The following LHFPL3 variants were observed in gnomAD, a reference collection of about 807,000 sequenced individuals.
LHFPL3 encodes LHFPL tetraspan subfamily member 3 protein.
A neutral mutation model predicts 19.3 loss-of-function variants in LHFPL3; 5 were observed. The observed-to-expected ratio is 0.26, with a 90% CI of 0.14 to 0.54. LHFPL3 has a LOEUF of 0.54. Ranked by LOEUF, LHFPL3 falls within the 20% of genes least tolerant of loss-of-function variation. The pLI, the probability that LHFPL3 is intolerant of heterozygous loss-of-function variation, is 0.94. For missense variants in LHFPL3, 249 were observed against 307.4 expected (o/e 0.81, Z 1.42); for synonymous variants, 133 against 126.2 (o/e 1.05, Z -0.36).
intron 1 of LHFPL3, among the ~76,000 whole-genome samples, chr7:104,393,136 G>A (rs1272156321): frequency 6.6e-6 from 1 of 152,082 alleles, no homozygotes; most frequent in Admixed American, 6.6e-5. Context: ...TACCCACTAG[G>A]ATGGCTAGAA....
intron 2 of LHFPL3, among the ~76,000 whole-genome samples, chr7:104,760,588 G>T (rs370645650): frequency 1.3e-5 from 2 of 151,356 alleles, no homozygotes; most frequent in South Asian, 2.2e-4. Context: ...TAAAGAAGTG[G>T]CTACATCATC....
chr7:104,731,027 G>C (rs1172990021), intron 1 of LHFPL3, among the ~76,000 whole-genome samples: 2 of 152,050 alleles, frequency 1.3e-5, no homozygotes, highest in Non-Finnish European at 2.9e-5. Context: ...TCTTGTTTTT[G>C]TCAGGTTTGT....
intron 1 of LHFPL3, among the ~76,000 whole-genome samples, chr7:104,682,598 C>T (rs1462122739): frequency 6.6e-6 from 1 of 152,154 alleles, no homozygotes; most frequent in East Asian, 1.9e-4. Context: ...TGCTGAAAGG[C>T]CAAGGTGTGA....
chr7:104,765,182 A>C (rs1794435232), intron 2 of LHFPL3, among the ~76,000 whole-genome samples: 1 of 152,240 alleles, frequency 6.6e-6, no homozygotes, highest in Non-Finnish European at 1.5e-5. Flanking sequence ...TAAAAATGGC[A>C]ATTTGAGGGA....
At chr7:104,469,734 T>A (rs948906483) in intron 1 of LHFPL3, among the ~76,000 whole-genome samples, 1 of 152,194 alleles carries the variant, frequency 6.6e-6, no homozygotes, top group Admixed American at 6.5e-5. Context: ...ATTTTGTTTC[T>A]GGTTTCTAGG....
intron 1 of LHFPL3, among the ~76,000 whole-genome samples, chr7:104,598,191 G>A (rs765659538): frequency 6.6e-6 from 1 of 152,098 alleles, no homozygotes; most frequent in Non-Finnish European, 1.5e-5. Flanking sequence ...AATTGAAAGG[G>A]ACTAGCAACT....
intron 2 of LHFPL3, among the ~76,000 whole-genome samples, chr7:104,860,809 A>T (rs1791602714): frequency 6.6e-6 from 1 of 152,252 alleles, no homozygotes; most frequent in African/African-American, 2.4e-5. Flanking sequence ...GAAAAATTAA[A>T]TAAAATATTT....
chr7:104,845,447 T>C, intron 2 of LHFPL3: 1 of 1,535,568 alleles, frequency 6.5e-7, no homozygotes, highest in Non-Finnish European at 8.7e-7. Context: ...TGAGCATGGC[T>C]TTGTGGGTTC....
intron 1 of LHFPL3, among the ~76,000 whole-genome samples, chr7:104,430,420 A>ATGTG (rs1562895215): frequency 8.5e-4 from 10 of 11,776 alleles, no homozygotes; most frequent in Non-Finnish European, 1.7e-3. Context: ...ATATATATAC[A>ATGTG]TATATATATA....
chr7:104,544,732 G>A (rs942044624), intron 1 of LHFPL3, among the ~76,000 whole-genome samples: 1 of 152,126 alleles, frequency 6.6e-6, no homozygotes, highest in Admixed American at 6.6e-5. Context: ...GAAAATGGGT[G>A]TATTTTTATA....
chr7:104,419,329 G>T (rs1791683485), intron 1 of LHFPL3, among the ~76,000 whole-genome samples: 1 of 152,194 alleles, frequency 6.6e-6, no homozygotes, highest in South Asian at 2.1e-4. Context: ...CATTGTATAG[G>T]ATTATGGGAA....
At chr7:104,621,448 C>G (rs1035619769) in intron 1 of LHFPL3, among the ~76,000 whole-genome samples, 4 of 152,176 alleles carry the variant, frequency 2.6e-5, no homozygotes, top group Non-Finnish European at 4.4e-5. Context: ...TTCCACCAGA[C>G]TCATACTGAA....
At chr7:104,422,832 C>G (rs907951856) in intron 1 of LHFPL3, among the ~76,000 whole-genome samples, 2 of 152,094 alleles carry the variant, frequency 1.3e-5, no homozygotes, top group African/African-American at 4.8e-5. Flanking sequence ...GGTGATGTAA[C>G]ATATATTGGG....
intron 1 of LHFPL3, among the ~76,000 whole-genome samples, chr7:104,578,996 T>C (rs1162581662): frequency 2.0e-5 from 3 of 152,204 alleles, no homozygotes; most frequent in South Asian, 4.1e-4. Context: ...TGTTAAATAA[T>C]GCATTTTGGA....
At chr7:104,829,625 C>T (rs1424850388) in intron 2 of LHFPL3, among the ~76,000 whole-genome samples, 1 of 151,654 alleles carries the variant, frequency 6.6e-6, no homozygotes, top group Admixed American at 6.6e-5. Context: ...ATGATGGTTT[C>T]CAGTTTCATC....
intron 1 of LHFPL3, among the ~76,000 whole-genome samples, chr7:104,488,476 T>G (rs574519557): frequency 1.3e-5 from 2 of 152,250 alleles, no homozygotes; most frequent in South Asian, 4.2e-4. Flanking sequence ...GTCCACTTGA[T>G]TTTTGGATCC....
chr7:104,752,484 C>T (rs1288301324), intron 2 of LHFPL3, among the ~76,000 whole-genome samples: 1 of 144,952 alleles, frequency 6.9e-6, no homozygotes, highest in East Asian at 2.0e-4. Flanking sequence ...TGTTTTAGTT[C>T]CTTACCAATT....
chr7:104,451,735 T>C (rs1362059091), intron 1 of LHFPL3, among the ~76,000 whole-genome samples: 5 of 152,158 alleles, frequency 3.3e-5, no homozygotes, highest in Non-Finnish European at 7.4e-5. Context: ...AATTTTCTTT[T>C]TTTTCTTTCT....
At chr7:104,574,188 T>C (rs1790280953) in intron 1 of LHFPL3, among the ~76,000 whole-genome samples, 1 of 152,176 alleles carries the variant, frequency 6.6e-6, no homozygotes, top group African/African-American at 2.4e-5. Context: ...TGACTGTCAA[T>C]CAGAGAAAGT....
Sources: gnomAD v4.1 joint callset for allele counts (sites outside exome capture counted in the v4.1 genomes callset) on GRCh38, gnomAD v4.1.1 for gene constraint, MANE v1.5 for transcripts, NCBI Gene and HGNC (gene_info 2026-07-23, HGNC 2026-07-21) for gene names.